ARB2A: variants seen among roughly 807,000 people sequenced by gnomAD.
ARB2A encodes the protein ARB2 cotranscriptional regulator A.
chr5:93,722,830 C>A, the ARB2A span, among the ~76,000 whole-genome samples: 1 of 152,028 alleles, frequency 6.6e-6, no homozygotes, highest in Non-Finnish European at 1.5e-5. Flanking sequence ...GAAGAAGTAG[C>A]CCATAAAAAC....
the ARB2A span, among the ~76,000 whole-genome samples, chr5:93,680,912 A>C: frequency 6.6e-6 from 1 of 152,122 alleles, no homozygotes; most frequent in African/African-American, 2.4e-5. Flanking sequence ...TAGATTTATA[A>C]ATAAGTAGGT....
chr5:93,901,435 T>TG, the ARB2A span, among the ~76,000 whole-genome samples: 1 of 152,134 alleles, frequency 6.6e-6, no homozygotes, highest in East Asian at 1.9e-4. Context: ...AATCAGTGTA[T>TG]GACCTAATTT....
chr5:93,744,654 G>A, the ARB2A span, among the ~76,000 whole-genome samples: 4 of 152,040 alleles, frequency 2.6e-5, no homozygotes, highest in African/African-American at 4.8e-5. Context: ...TATATTCAAC[G>A]TCCTATGGAA....
chr5:93,968,402 C>A, the ARB2A span, among the ~76,000 whole-genome samples: 1 of 152,090 alleles, frequency 6.6e-6, no homozygotes, highest in Non-Finnish European at 1.5e-5. Flanking sequence ...TGTTAGATCA[C>A]AACCACTGTA....
the ARB2A span, among the ~76,000 whole-genome samples, chr5:93,914,644 C>A: frequency 6.6e-6 from 1 of 151,984 alleles, no homozygotes; most frequent in Admixed American, 6.6e-5. Flanking sequence ...GAAATCATAA[C>A]TCCTTTTATC....
chr5:93,826,908 C>T, the ARB2A span, among the ~76,000 whole-genome samples: 1 of 151,888 alleles, frequency 6.6e-6, no homozygotes, highest in African/African-American at 2.4e-5. Flanking sequence ...ATCCATGTCC[C>T]TACAAAGGAC....
chr5:93,866,246 T>C, the ARB2A span: 1 of 984,770 alleles, frequency 1.0e-6, no homozygotes, highest in Non-Finnish European at 1.2e-6. Context: ...ATAAAGAACA[T>C]TAGAAGTGAA....
the ARB2A span, among the ~76,000 whole-genome samples, chr5:93,981,069 A>AT: frequency 0.8 from 114,886 of 144,242 alleles, 45,728 homozygotes; most frequent in East Asian, 0.91. Context: ...GTATTTCTTA[A>AT]TTTTTTTTTT....
At chr5:93,925,704 G>T in the ARB2A span, among the ~76,000 whole-genome samples, 1 of 152,050 alleles carries the variant, frequency 6.6e-6, no homozygotes, top group Non-Finnish European at 1.5e-5. Context: ...AGGGATAAGG[G>T]GAGGACTACT....
the ARB2A span, among the ~76,000 whole-genome samples, chr5:93,963,329 A>T: frequency 6.6e-6 from 1 of 151,994 alleles, no homozygotes; most frequent in East Asian, 1.9e-4. Context: ...AAAATTTCCA[A>T]ATAAACCAAG....
At chr5:93,877,534 A>T in the ARB2A span, among the ~76,000 whole-genome samples, 1 of 152,156 alleles carries the variant, frequency 6.6e-6, no homozygotes, top group Admixed American at 6.5e-5. Context: ...TTAAGGATTG[A>T]CATGCAATGC....
the ARB2A span, among the ~76,000 whole-genome samples, chr5:93,623,165 AG>A: frequency 6.6e-6 from 1 of 152,058 alleles, no homozygotes; most frequent in Non-Finnish European, 1.5e-5. Context: ...TTATAATGGT[AG>A]GACATTTTAA....
At chr5:93,877,758 G>C in the ARB2A span, among the ~76,000 whole-genome samples, 1 of 152,094 alleles carries the variant, frequency 6.6e-6, no homozygotes, top group Non-Finnish European at 1.5e-5. Context: ...GAGAGGAAGA[G>C]GTGGCATTTC....
the ARB2A span, among the ~76,000 whole-genome samples, chr5:93,700,978 C>T: frequency 4.5e-4 from 68 of 152,154 alleles, no homozygotes; most frequent in Non-Finnish European, 7.7e-4. Context: ...GATGAAAATA[C>T]GGCTCTCCTA....
chr5:93,634,753 A>G, the ARB2A span, among the ~76,000 whole-genome samples: 1 of 152,072 alleles, frequency 6.6e-6, no homozygotes, highest in East Asian at 1.9e-4. Context: ...CAAATATAAA[A>G]CTGAGACTCT....
chr5:93,738,931 G>T, the ARB2A span: 2 of 152,268 alleles, frequency 1.3e-5, no homozygotes, highest in African/African-American at 4.8e-5. Flanking sequence ...CATTACAATG[G>T]CAAATTTTAT....
the ARB2A span, among the ~76,000 whole-genome samples, chr5:94,022,137 T>G: frequency 1.3e-5 from 2 of 152,230 alleles, no homozygotes; most frequent in African/African-American, 4.8e-5. Flanking sequence ...GAGGTTGCAG[T>G]GAGCCAAGAT....
At chr5:93,955,754 G>C in the ARB2A span, among the ~76,000 whole-genome samples, 4 of 152,296 alleles carry the variant, frequency 2.6e-5, no homozygotes, top group South Asian at 8.3e-4. Flanking sequence ...ACCCTCAGCT[G>C]TGTGGGACTG....
At chr5:93,761,711 G>A in the ARB2A span, among the ~76,000 whole-genome samples, 1 of 152,210 alleles carries the variant, frequency 6.6e-6, no homozygotes, top group East Asian at 1.9e-4. Flanking sequence ...GAGAGTAGTG[G>A]TTCTCCCAGC....
Sources: gnomAD v4.1 joint callset for allele counts (sites outside exome capture counted in the v4.1 genomes callset) on GRCh38, gnomAD v4.1.1 for gene constraint, MANE v1.5 for transcripts, NCBI Gene and HGNC (gene_info 2026-07-23, HGNC 2026-07-21) for gene names.